The following TYW1B variants were observed in gnomAD, a reference collection of about 807,000 sequenced individuals.
TYW1B encodes the protein tRNA-yW synthesizing protein 1 homolog B.
TYW1B carries 73 observed loss-of-function variants against 86.9 expected under a neutral mutation model. That is an observed-to-expected ratio of 0.84 (90% confidence interval 0.70 to 1.02). The LOEUF is 1.02. Ranked by LOEUF, TYW1B falls within the 50% of genes least tolerant of loss-of-function variation. TYW1B has a pLI of 0.00. For synonymous variants in TYW1B, 248 were observed against 292.8 expected (o/e 0.85, Z 1.56); for missense variants, 637 against 827.4 (o/e 0.77, Z 2.82).
intron 6 of TYW1B, among the ~76,000 whole-genome samples, chr7:72,786,573 C>CTTTTT (rs10630508): frequency 2.8e-5 from 3 of 107,456 alleles, no homozygotes; most frequent in Non-Finnish European, 3.9e-5. Flanking sequence ...ATTCTTTTTT[C>CTTTTT]TTTTTTTTTT....
chr7:72,678,619 C>CTTTTTT (rs56738372), intron 11 of TYW1B, among the ~76,000 whole-genome samples: 38 of 110,398 alleles, frequency 3.4e-4, no homozygotes, highest in African/African-American at 9.8e-4. Flanking sequence ...AATTCCAGCA[C>CTTTTTT]TTTTTTTTTT....
At chr7:72,708,987 G>A (rs1484629104) in intron 10 of TYW1B, among the ~76,000 whole-genome samples, 2 of 152,248 alleles carry the variant, frequency 1.3e-5, no homozygotes, top group South Asian at 2.1e-4. Flanking sequence ...GTGGGGCTAG[G>A]AGGGTTGTCT....
chr7:72,808,786 C>G (rs1788543533), intron 4 of TYW1B, among the ~76,000 whole-genome samples: 1 of 152,038 alleles, frequency 6.6e-6, no homozygotes, highest in African/African-American at 2.4e-5. Context: ...CTCTGCCTCC[C>G]AAAGTGCTGG....
chr7:72,725,866 GTC>G (rs782569644), intron 9 of TYW1B, among the ~76,000 whole-genome samples: 11 of 151,680 alleles, frequency 7.3e-5, no homozygotes, highest in Admixed American at 2.0e-4. Context: ...CAGTCTCTCT[GTC>G]TCTCTCTCTC....
intron 11 of TYW1B, among the ~76,000 whole-genome samples, chr7:72,645,271 C>A (rs1812901058): frequency 6.6e-6 from 1 of 152,182 alleles, no homozygotes; most frequent in Non-Finnish European, 1.5e-5. Flanking sequence ...TTACTCCTAT[C>A]TAGAATACAT....
At chr7:72,612,495 G>A (rs55673729) in intron 13 of TYW1B, among the ~76,000 whole-genome samples, 3,886 of 152,250 alleles carry the variant, frequency 0.026, 158 homozygotes, top group African/African-American at 0.088. Flanking sequence ...GGTAAGAAGC[G>A]AGATACTGCA....
chr7:72,792,203 T>C (rs1554473642), intron 6 of TYW1B, among the ~76,000 whole-genome samples: 1 of 151,946 alleles, frequency 6.6e-6, no homozygotes, highest in Non-Finnish European at 1.5e-5. Flanking sequence ...GGCATGCACC[T>C]GTAATCCCAG....
chr7:72,815,833 C>A (rs1312120828), intron 2 of TYW1B, among the ~76,000 whole-genome samples: 1 of 151,966 alleles, frequency 6.6e-6, no homozygotes, highest in Admixed American at 6.6e-5. Context: ...TGAGGCCAAG[C>A]CTGGGCAACA....
intron 12 of TYW1B, among the ~76,000 whole-genome samples, chr7:72,627,456 G>GTAACT (rs1812373999): frequency 8.0e-6 from 1 of 124,524 alleles, no homozygotes; most frequent in Non-Finnish European, 1.7e-5. Flanking sequence ...TCAAAAAACA[G>GTAACT]TAACATAACA....
chr7:72,749,805 C>G (rs1307589671), intron 7 of TYW1B, among the ~76,000 whole-genome samples: 1 of 145,586 alleles, frequency 6.9e-6, no homozygotes, highest in Non-Finnish European at 1.5e-5. Flanking sequence ...TTCCTCATTT[C>G]TAATGTAAGA....
At chr7:72,740,800 G>A (rs1446300656) in intron 8 of TYW1B, among the ~76,000 whole-genome samples, 36 of 147,278 alleles carry the variant, frequency 2.4e-4, no homozygotes, top group African/African-American at 8.5e-4. Context: ...GCGTGATCTC[G>A]GCTCACTGCA....
At chr7:72,585,333 G>A (rs1403882375) in intron 13 of TYW1B, among the ~76,000 whole-genome samples, 1 of 152,140 alleles carries the variant, frequency 6.6e-6, no homozygotes, top group African/African-American at 2.4e-5. Flanking sequence ...AAATAAGAAG[G>A]AAATCTTATA....
At chr7:72,692,643 G>T (rs1284533091) in intron 11 of TYW1B, among the ~76,000 whole-genome samples, 3 of 152,076 alleles carry the variant, frequency 2.0e-5, no homozygotes, top group Non-Finnish European at 4.4e-5. Flanking sequence ...GAAAAACAGT[G>T]TTTTTTAATA....
intron 13 of TYW1B, among the ~76,000 whole-genome samples, chr7:72,581,418 GC>G (rs1811147857): frequency 1.3e-5 from 2 of 152,172 alleles, no homozygotes; most frequent in Admixed American, 1.3e-4. Context: ...GATAGAGTCA[GC>G]CCCATACCAT....
chr7:72,615,436 G>A (rs879973386), intron 13 of TYW1B, among the ~76,000 whole-genome samples: 13 of 152,194 alleles, frequency 8.5e-5, no homozygotes, highest in African/African-American at 3.1e-4. Flanking sequence ...GAAAAAGTGA[G>A]AGGGTTAAAT....
At chr7:72,745,494 T>C (rs1296985692) in intron 7 of TYW1B, among the ~76,000 whole-genome samples, 1 of 152,096 alleles carries the variant, frequency 6.6e-6, no homozygotes, top group Admixed American at 6.6e-5. Flanking sequence ...TAAAGAAATA[T>C]CTAGATCAAC....
intron 11 of TYW1B, among the ~76,000 whole-genome samples, chr7:72,650,249 G>A (rs782384801): frequency 4.6e-5 from 7 of 151,868 alleles, no homozygotes; most frequent in Non-Finnish European, 8.8e-5. Flanking sequence ...ACCTCCCTGT[G>A]CCGAAGCTTG....
At chr7:72,594,822 C>T (rs1371333328) in intron 13 of TYW1B, among the ~76,000 whole-genome samples, 1 of 152,078 alleles carries the variant, frequency 6.6e-6, no homozygotes, top group Non-Finnish European at 1.5e-5. Flanking sequence ...GGGATTTATC[C>T]CTGGAATGCA....
intron 8 of TYW1B, among the ~76,000 whole-genome samples, 154 bp downstream of exon 8, chr7:72,744,330 T>A (rs1787356248): frequency 6.6e-6 from 1 of 152,142 alleles, no homozygotes; most frequent in Non-Finnish European, 1.5e-5. Context: ...ACAAAAATAT[T>A]TGTCTACAAA....
Sources: allele counts gnomAD v4.1 joint callset (sites outside exome capture counted in the v4.1 genomes callset), GRCh38; gene constraint gnomAD v4.1.1; transcripts MANE v1.5; gene names NCBI Gene and HGNC (gene_info 2026-07-23, HGNC 2026-07-21).